The following MAGI2 variants were observed in gnomAD, a reference collection of about 807,000 sequenced individuals.
MAGI2 encodes the protein membrane associated guanylate kinase, WW and PDZ domain containing 2.
MAGI2 carries 35 observed loss-of-function variants against 133.3 expected under a neutral mutation model. The ratio of observed to expected loss-of-function variants is 0.26; its 90% CI spans 0.20 to 0.35. The LOEUF (loss-of-function observed/expected upper bound fraction) is 0.35, where lower values mean the gene tolerates loss of function less well. MAGI2 is among the 10% of genes least tolerant of loss of function. The pLI is 1.00. For missense variants in MAGI2, 1,636 were observed against 1,863.4 expected, an observed-to-expected ratio of 0.88 and a Z score of 2.25; for synonymous variants, 729 against 710.6, an observed-to-expected ratio of 1.03 and a Z score of -0.41.
rs185368427 is a variant in MAGI2 at position 78,321,128 on chromosome 7, A to T, written c.1408+22650T>A. 3.2e-3 allele frequency among the ~76,000 whole-genome samples: 493 copies of T among 152,362 alleles called. 2 individuals carry two copies. Among genetic ancestry groups the T allele is most frequent in the Non-Finnish European group, 5.4e-3 (368 of 68,030 alleles). On this transcript the variant is annotated intron_variant, in intron 9 of 21. Coordinates refer to ENST00000354212, the MANE Select transcript of MAGI2 (RefSeq NM_012301.4). ...CTCAAGGAAATCAGAGAGGACACAA[A>T]CAAATGGAAGAACATTCTATACTCA...
chr7:78,390,789 C>G (rs991980180), intron 6 of MAGI2, among the ~76,000 whole-genome samples: 15 of 152,042 alleles, frequency 9.9e-5, no homozygotes, highest in South Asian at 6.2e-4. Flanking sequence ...TATTTAGCAC[C>G]ATAGGAGTAC....
intron 6 of MAGI2, among the ~76,000 whole-genome samples, chr7:78,424,069 G>C (rs888759004): frequency 2.0e-5 from 3 of 152,176 alleles, no homozygotes; most frequent in African/African-American, 7.2e-5. Context: ...CATGTCAGAG[G>C]TCTTCATGGC....
At chr7:78,560,583 A>G (rs1436672680) in intron 3 of MAGI2, among the ~76,000 whole-genome samples, 1 of 152,310 alleles carries the variant, frequency 6.6e-6, no homozygotes, top group African/African-American at 2.4e-5. Context: ...GCAAAAAATT[A>G]TTTTGTAGTT....
chr7:79,200,445 TA>T (rs34446005), intron 1 of MAGI2, among the ~76,000 whole-genome samples: 27,145 of 137,564 alleles, frequency 0.2, 5,528 homozygotes, highest in African/African-American at 0.52. Context: ...TCTACAAAAT[TA>T]AAAAAAAAAA....
intron 2 of MAGI2, among the ~76,000 whole-genome samples, chr7:78,673,419 CAGCCAAGTACCAAGTACTTGGTCACA>C (rs1289578737): frequency 3.8e-4 from 58 of 152,128 alleles, no homozygotes; most frequent in African/African-American, 1.3e-3. Flanking sequence ...AGACCCAGGA[CAGCCAAGTACCAAGTACTTGGTCACA>C]GTCCAAGTAC....
chr7:78,955,719 C>T (rs925732189), intron 2 of MAGI2, among the ~76,000 whole-genome samples: 5 of 110,264 alleles, frequency 4.5e-5, no homozygotes, highest in African/African-American at 7.5e-5. Flanking sequence ...CTTTTTCTTT[C>T]TTTCTCTTTC....
In MAGI2 at chr7:79,304,205, G is replaced by GTGTGTGTGTGTC. The variant is rs1554438928; in HGVS notation, c.301+148814_301+148815insGACACACACACA. Reference sequence around the variant, plus strand: ...GATGTGTGTGTGTGTGTGTGTGTCTGTGTGTGTGTGTGTGTGTGTGTGTGT... The same window carrying GTGTGTGTGTGTC: ...GATGTGTGTGTGTGTGTGTGTGTCTGTGTGTGTGTGTCTGTGTGTGTGTGTGTGTGTGTGTGT... On this transcript the variant is annotated intron_variant, in intron 1 of 21. Transcript: ENST00000354212. 2.1e-5 allele frequency among the ~76,000 whole-genome samples: 3 copies of GTGTGTGTGTGTC among 145,338 alleles called. No individual in the cohort carries two copies. In the East Asian group the frequency reaches 6.2e-4, roughly 30 times the overall value.
chr7:78,644,172 C>T (rs548921505), intron 2 of MAGI2, among the ~76,000 whole-genome samples: 3 of 152,092 alleles, frequency 2.0e-5, no homozygotes, highest in Non-Finnish European at 4.4e-5. Context: ...ATTCAAAATA[C>T]ATGAAGCAAA....
chr7:79,252,577 T>C (rs184710747), intron 1 of MAGI2, among the ~76,000 whole-genome samples: 40 of 152,294 alleles, frequency 2.6e-4, no homozygotes, highest in African/African-American at 8.4e-4. Context: ...TCATTTATTG[T>C]ACATTTAGAA....
At chr7:79,175,498 C>A (rs1385589918) in intron 1 of MAGI2, among the ~76,000 whole-genome samples, 1 of 151,866 alleles carries the variant, frequency 6.6e-6, no homozygotes. Context: ...TAAATTGGTT[C>A]TTTGAAAAAT....
chr7:78,575,615 C>A (rs758237111), intron 3 of MAGI2, among the ~76,000 whole-genome samples: 1 of 152,166 alleles, frequency 6.6e-6, no homozygotes, highest in Non-Finnish European at 1.5e-5. Flanking sequence ...TGATAAGTCA[C>A]ATTGATCACA....
At chr7:78,724,069 A>G (rs1820528345) in intron 2 of MAGI2, among the ~76,000 whole-genome samples, 2 of 152,196 alleles carry the variant, frequency 1.3e-5, no homozygotes, top group African/African-American at 4.8e-5. Flanking sequence ...GAGTACTGCC[A>G]GGGAAGAAGG....
At chr7:78,520,199 C>A (rs1423658886) in intron 4 of MAGI2, among the ~76,000 whole-genome samples, 1 of 152,068 alleles carries the variant, frequency 6.6e-6, no homozygotes, top group Non-Finnish European at 1.5e-5. Flanking sequence ...GATGAAAGCA[C>A]CTTAGGTTTT....
chr7:79,165,045 G>A (rs1824779496), intron 1 of MAGI2, among the ~76,000 whole-genome samples: 1 of 151,916 alleles, frequency 6.6e-6, no homozygotes, highest in African/African-American at 2.4e-5. Context: ...CTAAAAATCA[G>A]AATGTTTAGG....
At chr7:78,901,108 C>G (rs1797589398) in intron 2 of MAGI2, among the ~76,000 whole-genome samples, 1 of 152,134 alleles carries the variant, frequency 6.6e-6, no homozygotes, top group Admixed American at 6.5e-5. Context: ...CTTGTCCTTC[C>G]AGCATTTGTG....
chr7:78,474,467 G>A (rs1791540854), intron 6 of MAGI2, among the ~76,000 whole-genome samples: 1 of 151,968 alleles, frequency 6.6e-6, no homozygotes, highest in South Asian at 2.1e-4. Flanking sequence ...TAGGTACTAG[G>A]ATTATAACAA....
intron 2 of MAGI2, among the ~76,000 whole-genome samples, chr7:78,795,130 A>T (rs1440635394): frequency 3.3e-5 from 5 of 152,042 alleles, no homozygotes; most frequent in African/African-American, 1.2e-4. Context: ...TCAAATTATT[A>T]TTGTTTGCAA....
intron 3 of MAGI2, among the ~76,000 whole-genome samples, chr7:78,564,327 CAATT>C (rs1438654175): frequency 1.3e-5 from 2 of 152,156 alleles, no homozygotes; most frequent in African/African-American, 2.4e-5. Context: ...CAACACTTCA[CAATT>C]AATATATTAA....
intron 1 of MAGI2, among the ~76,000 whole-genome samples, chr7:79,235,502 C>T (rs979871203): frequency 2.0e-5 from 3 of 152,172 alleles, no homozygotes; most frequent in Non-Finnish European, 2.9e-5. Context: ...CGTGGTGTGC[C>T]GTTTTTTAAG....
Sources: gnomAD v4.1 joint callset for allele counts (sites outside exome capture counted in the v4.1 genomes callset) on GRCh38, gnomAD v4.1.1 for gene constraint, MANE v1.5 for transcripts, NCBI Gene and HGNC (gene_info 2026-07-23, HGNC 2026-07-21) for gene names.